The following RABEP1 variants were observed in gnomAD, a reference collection of about 807,000 sequenced individuals.
The protein encoded by RABEP1 is rabaptin, RAB GTPase binding effector protein 1.
RABEP1 carries 51 observed loss-of-function variants against 123.4 expected under a neutral mutation model. The observed-to-expected ratio is 0.41, with a 90% CI of 0.33 to 0.52. The LOEUF is 0.52. RABEP1 is among the 20% of genes least tolerant of loss of function. The pLI is 0.16. For missense variants in RABEP1, 888 were observed against 996.3 expected, an observed-to-expected ratio of 0.89 and a Z score of 1.46; for synonymous variants, 347 against 355.2, an observed-to-expected ratio of 0.98 and a Z score of 0.26.
chr17:5,367,420 C>A (rs78415790), intron 11 of RABEP1, among the ~76,000 whole-genome samples: 191 of 150,674 alleles, frequency 1.3e-3, no homozygotes, highest in African/African-American at 4.4e-3. Flanking sequence ...TACAGGCACC[C>A]GCCACCACGC....
At chr17:5,291,181 T>C (rs996170754) in intron 1 of RABEP1, among the ~76,000 whole-genome samples, 1 of 152,114 alleles carries the variant, frequency 6.6e-6, no homozygotes, top group Non-Finnish European at 1.5e-5. Flanking sequence ...GAGGCTGAAG[T>C]GGGTGGACCA....
intron 12 of RABEP1, among the ~76,000 whole-genome samples, chr17:5,370,884 T>G (rs1238370420): frequency 6.6e-6 from 1 of 152,164 alleles, no homozygotes; most frequent in Non-Finnish European, 1.5e-5. Flanking sequence ...GGTTTACAGT[T>G]TAAGTACTGT....
intron 3 of RABEP1, among the ~76,000 whole-genome samples, chr17:5,332,563 C>T (rs929428627): frequency 7.3e-5 from 11 of 151,354 alleles, no homozygotes; most frequent in African/African-American, 2.7e-4. Context: ...CTAATTATTG[C>T]CCTTCCAGTG....
chr17:5,319,669 A>G (rs1052276545), intron 2 of RABEP1, among the ~76,000 whole-genome samples: 1 of 152,124 alleles, frequency 6.6e-6, no homozygotes, highest in Non-Finnish European at 1.5e-5. Context: ...AGCCTACCAG[A>G]GAAATTTAAC....
chr17:5,293,096 CCTGA>C (rs1224566095), intron 1 of RABEP1, among the ~76,000 whole-genome samples: 1 of 152,026 alleles, frequency 6.6e-6, no homozygotes, highest in African/African-American at 2.4e-5. Context: ...TCGAGACCAG[CCTGA>C]CTAACATGAA....
rs923647719 is a variant in RABEP1, at chr17:5,367,523, C to T, written c.1786-847C>T. Among the ~76,000 whole-genome samples the T allele has an allele frequency of 4.6e-5, 7 of 151,708 alleles. 1 individual carries two copies. The highest frequency in any genetic ancestry group is 2.0e-4 in the Admixed American group (3 of 15,222). On this transcript the variant is annotated intron_variant, in intron 11 of 17. Coordinates refer to ENST00000537505, the MANE Select transcript of RABEP1 (RefSeq NM_004703.6). ...TGACTTTGTGATCCATCCGCCTCGG[C>T]CTCCCAAAGTGCTAGGATTACAGGC...
intron 2 of RABEP1, among the ~76,000 whole-genome samples, chr17:5,323,310 C>A (rs1333269631): frequency 6.6e-6 from 1 of 152,138 alleles, no homozygotes; most frequent in Non-Finnish European, 1.5e-5. Flanking sequence ...CAAGGACGCC[C>A]ACTTCAGCCA....
In RABEP1 at chr17:5,361,332, C is replaced by CT; in HGVS notation, c.1221dup (p.Thr408TyrfsTer18). 1 of 1,614,154 alleles carries CT rather than the reference C, an allele frequency of 6.2e-7. No individual in the cohort carries two copies. The highest frequency in any genetic ancestry group is 8.5e-7 in the Non-Finnish European group (1 of 1,180,028). On this transcript the variant is annotated frameshift_variant, in exon 9 of 18. Coordinates refer to ENST00000537505, the MANE Select transcript of RABEP1 (RefSeq NM_004703.6). LOFTEE classifies it high-confidence loss of function. ...AAAGATGGACTCAGGAGAGCACAGT[C>CT]TACAGACAGCTTGGGAACCTCGGGC...
rs147238092 is a variant in RABEP1 at position 5,289,050 on chromosome 17, T to G, written c.34+6530T>G. 9.7e-4 allele frequency among the ~76,000 whole-genome samples: 147 copies of G among 152,282 alleles called. 1 individual carries two copies. The highest frequency in any genetic ancestry group is 3.4e-3 in the African/African-American group (142 of 41,580). On this transcript the variant is annotated intron_variant, in intron 1 of 17. Coordinates refer to ENST00000537505, the MANE Select transcript of RABEP1 (RefSeq NM_004703.6). ...TGCACTTCCAGGATAGGAATTATAT[T>G]AATTATGGCCTCTTTGTTTATTGGC... is the stretch of plus-strand genomic sequence containing the variant.
intron 12 of RABEP1, 87 bp from the exon 13 acceptor site, chr17:5,373,227 T>G: frequency 3.0e-6 from 4 of 1,318,840 alleles, no homozygotes; most frequent in Non-Finnish European, 4.1e-6. Context: ...CAGCACTCCT[T>G]TAGTTTGGAC....
chr17:5,292,628 C>T (rs2075044121), intron 1 of RABEP1, among the ~76,000 whole-genome samples: 1 of 152,080 alleles, frequency 6.6e-6, no homozygotes. Context: ...ATGTGATCCA[C>T]CCACCTTGGC....
Position 5,335,279 on chromosome 17 carries a change from G to A in RABEP1, c.463G>A (p.Ala155Thr). 1 of 1,613,936 alleles carries A rather than the reference G, an allele frequency of 6.2e-7. No homozygotes were observed. Among genetic ancestry groups the A allele is most frequent in the Non-Finnish European group, 8.5e-7 (1 of 1,179,924 alleles). Reference protein sequence around the residue: ...QYRESAEREIADLRRRLSEGQ... With the variant: ...QYRESAEREITDLRRRLSEGQ... ...TAGAGAATCCGCAGAGAGGGAAATA[G>A]CTGATTTAAGAAGAAGGCTGTCTGA... The change falls in exon 4 of 18, where the codon GCT (alanine) becomes ACT (threonine). Residue 155 changes from alanine to threonine, a missense_variant. Physicochemically the swap from Ala to Thr is moderately conservative, Grantham distance 58 (BLOSUM62 0). Coordinates refer to ENST00000537505, the MANE Select transcript of RABEP1 (RefSeq NM_004703.6).
At chr17:5,381,719 T>C (rs1911475747) in intron 17 of RABEP1, 2 of 691,686 alleles carry the variant, frequency 2.9e-6, no homozygotes, top group African/African-American at 1.8e-5. Flanking sequence ...CTTGCCAATT[T>C]TGCCTCCTTA....
Position 5,385,696 on chromosome 17 carries a change from A to G in RABEP1, c.*2473A>G, listed in dbSNP as rs1409066652. On this transcript the variant is annotated 3_prime_UTR_variant, in exon 18 of 18. Coordinates refer to ENST00000537505, the MANE Select transcript of RABEP1 (RefSeq NM_004703.6). ...AAGTGAGCCAGCAGTGGCCTTTGCA[A>G]TTGTGGATCTTGAGCTCTGCTCTCA... 8.7e-6 allele frequency: 2 copies of G among 231,064 alleles called. No homozygotes were observed. Among genetic ancestry groups the G allele is most frequent in the Admixed American group, 5.6e-5 (1 of 17,714 alleles). The allele number at this position is 231,064 out of a possible 1,614,324, so 14.3% of individuals were successfully genotyped here. A position where few individuals can be genotyped will look rare whatever the true frequency, so the allele number is the denominator to read the frequency against.
intron 12 of RABEP1, among the ~76,000 whole-genome samples, chr17:5,373,046 C>T (rs116265688): frequency 6.6e-6 from 1 of 152,198 alleles, no homozygotes; most frequent in African/African-American, 2.4e-5. Context: ...GCGTGAGCCA[C>T]CACACCCAAC....
At chr17:5,324,711 A>G (rs1905799304) in intron 2 of RABEP1, among the ~76,000 whole-genome samples, 1 of 152,242 alleles carries the variant, frequency 6.6e-6, no homozygotes, top group Admixed American at 6.5e-5. Flanking sequence ...AAGATTTGTT[A>G]AAGAAGCAAA....
intron 8 of RABEP1, among the ~76,000 whole-genome samples, chr17:5,355,859 G>C (rs1321920402): frequency 6.6e-6 from 1 of 152,100 alleles, no homozygotes; most frequent in Non-Finnish European, 1.5e-5. Flanking sequence ...GGAACCACTT[G>C]GTCTAATTCT....
rs1911458274 is a variant in RABEP1, at chr17:5,381,595, C to T, written c.2487+90C>T. The T allele has an allele frequency of 3.3e-6, 5 of 1,507,476 alleles. No homozygotes were observed. The East Asian group carries it at 1.2e-4, about 36-fold the overall frequency. The allele number at this position is 1,507,476 out of a possible 1,614,324, so 93.4% of individuals were successfully genotyped here. A position where few individuals can be genotyped will look rare whatever the true frequency, so the allele number is the denominator to read the frequency against. On this transcript the variant is annotated intron_variant, in intron 17 of 17. Coordinates refer to ENST00000537505, the MANE Select transcript of RABEP1 (RefSeq NM_004703.6). ...TCCCTGACTTGACCACTGGCAGTAG[C>T]TAGAGGTTTAGAGACTGGCTGCTCC...
chr17:5,357,231 A>T (rs1008600613), intron 8 of RABEP1, among the ~76,000 whole-genome samples: 5 of 151,712 alleles, frequency 3.3e-5, no homozygotes, highest in South Asian at 2.1e-4. Context: ...TTTTGTGCAA[A>T]TTTTTTCCCC....
Sources: allele counts gnomAD v4.1 joint callset (sites outside exome capture counted in the v4.1 genomes callset), GRCh38; gene constraint gnomAD v4.1.1; transcripts MANE v1.5; gene names NCBI Gene and HGNC (gene_info 2026-07-23, HGNC 2026-07-21).